Variants in DIXDC1 observed in about 807,000 individuals in gnomAD.
DIXDC1 encodes dixin.
DIXDC1 carries 64 observed loss-of-function variants against 103.1 expected under a neutral mutation model. The observed-to-expected ratio is 0.62, with a 90% confidence interval of 0.51 to 0.76. DIXDC1 has a LOEUF of 0.76. Among genes scored for constraint, DIXDC1 ranks in the 30% least tolerant of loss-of-function variants. The pLI is 0.00. For synonymous variants in DIXDC1, 266 were observed against 298.5 expected, an observed-to-expected ratio of 0.89 and a Z score of 1.12; for missense variants, 759 against 834.2, an observed-to-expected ratio of 0.91 and a Z score of 1.11.
At chr11:111,957,082 A>C (rs1355086499) in intron 1 of DIXDC1, among the ~76,000 whole-genome samples, 1 of 152,140 alleles carries the variant, frequency 6.6e-6, no homozygotes, top group Non-Finnish European at 1.5e-5. Flanking sequence ...CTGAGGCAAG[A>C]GGATTGCTTG....
chr11:111,966,878 T>C (rs1859758284), intron 2 of DIXDC1, among the ~76,000 whole-genome samples: 1 of 152,214 alleles, frequency 6.6e-6, no homozygotes, highest in Non-Finnish European at 1.5e-5. Flanking sequence ...CAAGGTCATA[T>C]CAAATCCAGT....
intron 10 of DIXDC1, among the ~76,000 whole-genome samples, chr11:111,990,343 G>A (rs1194824332): frequency 4.0e-5 from 6 of 151,102 alleles, no homozygotes; most frequent in African/African-American, 7.3e-5. Context: ...CACCTGCCTC[G>A]GCCTCTCTAA....
Position 111,993,745 on chromosome 11 carries a change from C to A in DIXDC1, c.1437+5C>A. 1.2e-6 allele frequency: 2 copies of A among 1,613,752 alleles called. No homozygotes were observed. Among genetic ancestry groups the A allele is most frequent in the Non-Finnish European group, 1.7e-6 (2 of 1,179,804 alleles). On this transcript the variant is annotated splice_donor_5th_base_variant and intron_variant, in intron 14 of 19. Coordinates refer to ENST00000440460, the MANE Select transcript of DIXDC1 (RefSeq NM_001037954.4). Reference sequence around the variant, plus strand: ...ATGAAAAGAGAGGCAGATGAGGTAACCTAGACCCCGTGTTCTCCCTCCCAC... The same window carrying A: ...ATGAAAAGAGAGGCAGATGAGGTAAACTAGACCCCGTGTTCTCCCTCCCAC...
At chr11:111,959,208 G>A (rs1348097381) in intron 1 of DIXDC1, among the ~76,000 whole-genome samples, 2 of 152,208 alleles carry the variant, frequency 1.3e-5, no homozygotes, top group Admixed American at 6.5e-5. Context: ...CATGTTGCAG[G>A]CAACAAGAAG....
chr11:112,016,526 G>A (rs998016555), intron 17 of DIXDC1, among the ~76,000 whole-genome samples, 165 bp from the exon 18 acceptor site: 1 of 152,122 alleles, frequency 6.6e-6, no homozygotes, highest in Non-Finnish European at 1.5e-5. Flanking sequence ...TCTTGTCCTC[G>A]TGGTCCTAGG....
At chr11:111,949,244 C>T (rs1171277129) in intron 1 of DIXDC1, among the ~76,000 whole-genome samples, 1 of 152,052 alleles carries the variant, frequency 6.6e-6, no homozygotes, top group East Asian at 1.9e-4. Context: ...CTCTTGGGCT[C>T]TAGACCTGTG....
At chr11:111,986,597 C>T (rs987441393) in intron 8 of DIXDC1, among the ~76,000 whole-genome samples, 7 of 152,066 alleles carry the variant, frequency 4.6e-5, no homozygotes, top group Non-Finnish European at 8.8e-5. Flanking sequence ...CACCTGACCT[C>T]AAGTGATCTG....
chr11:111,988,936 C>A, intron 9 of DIXDC1, 69 bp from the exon 10 acceptor site: 2 of 1,368,438 alleles, frequency 1.5e-6, no homozygotes, highest in Non-Finnish European at 2.0e-6. Context: ...CTCTTGCCGA[C>A]AGAATGAGGT....
intron 1 of DIXDC1, among the ~76,000 whole-genome samples, chr11:111,950,580 C>T (rs1332393117): frequency 6.7e-6 from 1 of 149,278 alleles, no homozygotes; most frequent in African/African-American, 2.5e-5. Flanking sequence ...CTCAGCCTCC[C>T]GAGTAGCTGG....
rs931729467 is a variant in DIXDC1 at position 111,958,699 on chromosome 11, G to C, written c.61-5850G>C. On this transcript the variant is annotated intron_variant, in intron 1 of 19. Coordinates refer to ENST00000440460, the MANE Select transcript of DIXDC1 (RefSeq NM_001037954.4). This position sits in a 1 kb window ranked among gnomAD's most constrained non-coding sequence, Gnocchi z 4.2. ...TTCAAACCAGGGAGGCCTGAAGCCT[G>C]GGGGGTCAGGCTGCCAGCCCCGCAG... Among the ~76,000 whole-genome samples, 1 of 152,298 alleles carries C rather than the reference G, an allele frequency of 6.6e-6. No individual in the cohort carries two copies. Among genetic ancestry groups the C allele is most frequent in the Non-Finnish European group, 1.5e-5 (1 of 68,008 alleles).
chr11:112,003,580 C>T (rs1348740543), intron 17 of DIXDC1, among the ~76,000 whole-genome samples: 1 of 152,070 alleles, frequency 6.6e-6, no homozygotes, highest in Non-Finnish European at 1.5e-5. Flanking sequence ...AGGTGGATCA[C>T]CTGAGGTTAG....
chr11:111,977,593 C>A lies in DIXDC1; in HGVS notation c.656+2610C>A. 6.6e-7 allele frequency: 1 copy of A among 1,509,972 alleles called. No homozygotes were observed. Among genetic ancestry groups the A allele is most frequent in the Non-Finnish European group, 8.9e-7 (1 of 1,128,746 alleles). 93.5% of individuals were successfully genotyped at this position (1,509,972 alleles called of 1,614,324 possible). A position where few individuals can be genotyped will look rare whatever the true frequency, so the allele number is the denominator to read the frequency against. ...GCTGGGGCCGAGACGCCGCCGCCGCCGCCGTTCCCGCTTTCTCCCGCGAGC... is the reference window on the plus strand; with the variant it reads ...GCTGGGGCCGAGACGCCGCCGCCGCAGCCGTTCCCGCTTTCTCCCGCGAGC... On this transcript the variant is annotated intron_variant, in intron 5 of 19. Transcript: ENST00000440460. This position sits in a 1 kb window ranked among gnomAD's most constrained non-coding sequence, Gnocchi z 6.1.
intron 14 of DIXDC1, among the ~76,000 whole-genome samples, chr11:111,993,993 A>G (rs1209093831): frequency 1.3e-5 from 2 of 152,224 alleles, no homozygotes; most frequent in African/African-American, 4.8e-5. Context: ...TGGAAATAAT[A>G]GTGATTCAGT....
intron 1 of DIXDC1, among the ~76,000 whole-genome samples, chr11:111,939,006 A>G (rs587690584): frequency 6.6e-6 from 1 of 152,324 alleles, no homozygotes; most frequent in African/African-American, 2.4e-5. Flanking sequence ...TGATTCCAAT[A>G]TTCTGGTTCC....
intron 17 of DIXDC1, among the ~76,000 whole-genome samples, chr11:112,006,913 C>T (rs972230465): frequency 6.6e-6 from 1 of 152,168 alleles, no homozygotes; most frequent in African/African-American, 2.4e-5. Context: ...TCCAAAGGAT[C>T]GCAGCTCCTC....
At chr11:111,942,315 G>A (rs879994803) in intron 1 of DIXDC1, among the ~76,000 whole-genome samples, 4 of 152,220 alleles carry the variant, frequency 2.6e-5, no homozygotes, top group Non-Finnish European at 5.9e-5. Flanking sequence ...ACTCCCCGAG[G>A]CGGTTCAGAG....
At chr11:111,931,922 A>C (rs1210728969) in intron 2 of DIXDC1, among the ~76,000 whole-genome samples, 2 of 151,852 alleles carry the variant, frequency 1.3e-5, no homozygotes, top group African/African-American at 4.8e-5. Context: ...ATAGGGGTGC[A>C]TTTTCAGTGC....
chr11:111,985,535 G>A (rs587770000), intron 8 of DIXDC1, among the ~76,000 whole-genome samples: 1 of 152,158 alleles, frequency 6.6e-6, no homozygotes, highest in African/African-American at 2.4e-5. Context: ...ATTTCAACAT[G>A]CTGGAGATAT....
chr11:111,990,019 T>G (rs1776893638), intron 10 of DIXDC1, among the ~76,000 whole-genome samples: 1 of 151,432 alleles, frequency 6.6e-6, no homozygotes, highest in Non-Finnish European at 1.5e-5. Flanking sequence ...CTCCATCTCC[T>G]GACCTTGTGA....
Sources: gnomAD v4.1 joint callset for allele counts (sites outside exome capture counted in the v4.1 genomes callset) on GRCh38, gnomAD v4.1.1 for gene constraint, Gnocchi (gnomAD v3.1) non-coding constraint, MANE v1.5 for transcripts, NCBI Gene and HGNC (gene_info 2026-07-23, HGNC 2026-07-21) for gene names.